CDH18: variants seen among roughly 807,000 people sequenced by gnomAD.
CDH18 encodes the protein cadherin-18.
Under a neutral mutation model 67.9 loss-of-function variants are expected in CDH18, and 31 were observed. That is an observed-to-expected ratio of 0.46 (90% CI 0.34 to 0.62). The LOEUF is 0.62. Among genes scored for constraint, CDH18 ranks in the 20% least tolerant of loss-of-function variants. The pLI, the probability that CDH18 is intolerant of heterozygous loss-of-function variation, is 0.01. For missense variants in CDH18, 890 were observed against 975.5 expected, an observed-to-expected ratio of 0.91 and a Z score of 1.17; for synonymous variants, 362 against 347.2, an observed-to-expected ratio of 1.04 and a Z score of -0.48.
chr5:20,207,665 A>G (rs1740013020), intron 2 of CDH18, among the ~76,000 whole-genome samples: 1 of 152,102 alleles, frequency 6.6e-6, no homozygotes. Flanking sequence ...CTGTGATCCA[A>G]TTATCTCCCC....
At chr5:20,311,566 G>C (rs1736997169) in intron 1 of CDH18, among the ~76,000 whole-genome samples, 1 of 152,116 alleles carries the variant, frequency 6.6e-6, no homozygotes, top group South Asian at 2.1e-4. Flanking sequence ...AAAACCACAT[G>C]TTCTCGCTCA....
chr5:19,944,413 T>C (rs1358287648), intron 2 of CDH18, among the ~76,000 whole-genome samples: 3 of 152,280 alleles, frequency 2.0e-5, no homozygotes, highest in African/African-American at 4.8e-5. Flanking sequence ...ATTTATTAAA[T>C]GTACTAGATT....
chr5:19,670,188 C>T (rs776211450), intron 5 of CDH18, among the ~76,000 whole-genome samples: 13 of 151,958 alleles, frequency 8.6e-5, no homozygotes, highest in Non-Finnish European at 1.6e-4. Flanking sequence ...ATTGGTAACT[C>T]TATGAAGATA....
At chr5:19,703,995 A>C (rs541494226) in intron 5 of CDH18, among the ~76,000 whole-genome samples, 1 of 152,140 alleles carries the variant, frequency 6.6e-6, no homozygotes, top group Non-Finnish European at 1.5e-5. Context: ...AATTCAAATT[A>C]TTATATCTAC....
chr5:20,341,850 C>G (rs1453345871), intron 1 of CDH18, among the ~76,000 whole-genome samples: 1 of 151,960 alleles, frequency 6.6e-6, no homozygotes, highest in Non-Finnish European at 1.5e-5. Context: ...ACTCCTGATT[C>G]ACTGATCATG....
intron 1 of CDH18, among the ~76,000 whole-genome samples, chr5:20,318,602 C>T (rs1245875267): frequency 3.3e-5 from 5 of 152,060 alleles, no homozygotes; most frequent in Non-Finnish European, 5.9e-5. Flanking sequence ...TTGTCTCTTC[C>T]TCCTGCTCCC....
intron 3 of CDH18, among the ~76,000 whole-genome samples, chr5:19,802,553 AG>A (rs1416240454): frequency 6.6e-6 from 1 of 152,160 alleles, no homozygotes; most frequent in Non-Finnish European, 1.5e-5. Context: ...AATTTCCCAA[AG>A]AGTTGAGGCA....
intron 6 of CDH18, 39 bp downstream of exon 6, chr5:19,612,395 G>A (rs1749121240): frequency 1.3e-6 from 2 of 1,586,938 alleles, no homozygotes; most frequent in Admixed American, 1.7e-5. Flanking sequence ...TACATAAAGA[G>A]ATAATGATAA....
rs529563246 is a variant in CDH18 at position 20,560,401 on chromosome 5, A to G, written c.-580+15061T>C. Among the ~76,000 whole-genome samples the G allele has an allele frequency of 2.6e-4, 39 of 151,610 alleles. No homozygotes were observed. In the South Asian group the frequency reaches 8.1e-3, roughly 32 times the overall value. On this transcript the variant is annotated intron_variant, in intron 1 of 14. Transcript: ENST00000507958. ...TGTGATAAAGTAGTATATAACAGTTAAGAATTGAAAAAGTATGTTAGGAAT... is the reference window on the plus strand; with the variant it reads ...TGTGATAAAGTAGTATATAACAGTTGAGAATTGAAAAAGTATGTTAGGAAT...
At chr5:20,509,075 C>T (rs1012046019) in intron 1 of CDH18, among the ~76,000 whole-genome samples, 10 of 152,128 alleles carry the variant, frequency 6.6e-5, no homozygotes, top group African/African-American at 2.4e-4. Context: ...AATTCACATG[C>T]TTATCATTAA....
At chr5:20,515,707 G>A (rs891280011) in intron 1 of CDH18, among the ~76,000 whole-genome samples, 3 of 150,612 alleles carry the variant, frequency 2.0e-5, no homozygotes, top group African/African-American at 7.5e-5. Flanking sequence ...ATTTCCTTTG[G>A]AGAACAATTA....
At chr5:20,029,566 C>T (rs1739205814) in intron 2 of CDH18, among the ~76,000 whole-genome samples, 1 of 152,144 alleles carries the variant, frequency 6.6e-6, no homozygotes, top group Non-Finnish European at 1.5e-5. Context: ...TTACTTAAAA[C>T]AAGGATGTTT....
chr5:20,377,146 G>A (rs1161033270), intron 1 of CDH18, among the ~76,000 whole-genome samples: 1 of 152,066 alleles, frequency 6.6e-6, no homozygotes, highest in Admixed American at 6.6e-5. Context: ...CTCCGTGTAA[G>A]GTTTCAATAC....
chr5:19,863,638 A>T (rs184353545), intron 2 of CDH18, among the ~76,000 whole-genome samples: 1 of 152,226 alleles, frequency 6.6e-6, no homozygotes, highest in Non-Finnish European at 1.5e-5. Context: ...ATAATAGAAC[A>T]TGATCCTCCC....
chr5:19,646,122 G>A (rs1035567153), intron 5 of CDH18, among the ~76,000 whole-genome samples: 1 of 152,020 alleles, frequency 6.6e-6, no homozygotes, highest in African/African-American at 2.4e-5. Context: ...ATATGTTGAA[G>A]GAAAAGTTGA....
At position 19,937,106 on chromosome 5, in the gene CDH18, A is replaced by C. The variant is rs547251836; in HGVS notation, c.-257+43954T>G. 4.0e-4 allele frequency among the ~76,000 whole-genome samples: 60 copies of C among 151,516 alleles called. 1 individual carries two copies. In the South Asian group the frequency reaches 0.012, roughly 30 times the overall value. On this transcript the variant is annotated intron_variant, in intron 2 of 12. Coordinates refer to ENST00000382275, the MANE Select transcript of CDH18 (RefSeq NM_004934.5). ...ATGACCAATTTTATTAGTTTAAAACATTATAGACATTTGGAAAATTATTAT... is the reference window on the plus strand; with the variant it reads ...ATGACCAATTTTATTAGTTTAAAACCTTATAGACATTTGGAAAATTATTAT...
intron 2 of CDH18, among the ~76,000 whole-genome samples, chr5:20,206,348 C>T (rs1234905444): frequency 1.3e-5 from 2 of 151,788 alleles, no homozygotes; most frequent in Admixed American, 6.6e-5. Flanking sequence ...ATAATGAAGT[C>T]TTCTATTAAA....
chr5:19,950,255 T>A (rs942439494), intron 2 of CDH18, among the ~76,000 whole-genome samples: 4 of 151,988 alleles, frequency 2.6e-5, no homozygotes, highest in Non-Finnish European at 1.5e-5. Flanking sequence ...TTATTTTAAG[T>A]GAAATAACTC....
chr5:19,733,632 T>G (rs889232774), intron 4 of CDH18, among the ~76,000 whole-genome samples: 1 of 152,074 alleles, frequency 6.6e-6, no homozygotes, highest in Non-Finnish European at 1.5e-5. Context: ...ACCTTGCTGA[T>G]GGAGGGCAGC....
Sources: allele counts gnomAD v4.1 joint callset (sites outside exome capture counted in the v4.1 genomes callset), GRCh38; gene constraint gnomAD v4.1.1; transcripts MANE v1.5; gene names NCBI Gene and HGNC (gene_info 2026-07-23, HGNC 2026-07-21).